Variants in TTLL13 observed in about 807,000 individuals in gnomAD.
The protein encoded by TTLL13 is tubulin tyrosine ligase like 13.
the TTLL13 span, chr15:90,262,844 G>A: frequency 3.9e-6 from 5 of 1,285,316 alleles, no homozygotes. Flanking sequence ...GACAGCAAAA[G>A]GAACCTTCCT....
At chr15:90,259,499 C>T in the TTLL13 span, among the ~76,000 whole-genome samples, 1 of 152,270 alleles carries the variant, frequency 6.6e-6, no homozygotes, top group East Asian at 1.9e-4. Context: ...TCTCTGGAGC[C>T]AATCAACATT....
At chr15:90,252,463 G>A in the TTLL13 span, among the ~76,000 whole-genome samples, 3 of 152,108 alleles carry the variant, frequency 2.0e-5, no homozygotes, top group South Asian at 2.1e-4. Context: ...TAACAGGCAG[G>A]AGCCACCATG....
At chr15:90,257,709 G>A in the TTLL13 span, 2 of 1,614,176 alleles carry the variant, frequency 1.2e-6, no homozygotes, top group Non-Finnish European at 1.7e-6. Flanking sequence ...GGATGGCGCT[G>A]TGGGCAGTAA....
At chr15:90,256,566 TTTC>T in the TTLL13 span, among the ~76,000 whole-genome samples, 1 of 80,980 alleles carries the variant, frequency 1.2e-5, no homozygotes, top group Non-Finnish European at 2.6e-5. Flanking sequence ...TCTTTCTTTC[TTTC>T]TTTCTTTCTT....
At chr15:90,252,113 C>G in the TTLL13 span, among the ~76,000 whole-genome samples, 2 of 148,480 alleles carry the variant, frequency 1.3e-5, no homozygotes, top group Non-Finnish European at 3.0e-5. Context: ...GATCTCGACT[C>G]ACTGCAACCT....
the TTLL13 span, among the ~76,000 whole-genome samples, chr15:90,250,038 A>T: frequency 1.3e-5 from 2 of 149,608 alleles, no homozygotes; most frequent in Admixed American, 6.7e-5. Context: ...GCTCACTGCA[A>T]CCTCCACCTC....
the TTLL13 span, chr15:90,258,794 A>C: frequency 1.2e-6 from 2 of 1,614,164 alleles, no homozygotes; most frequent in Non-Finnish European, 1.7e-6. Context: ...TCAAGAAGTA[A>C]AGGATGCACT....
the TTLL13 span, among the ~76,000 whole-genome samples, chr15:90,260,878 AAAGG>A: frequency 1.4e-4 from 21 of 151,240 alleles, no homozygotes; most frequent in South Asian, 4.2e-4. Flanking sequence ...AGAGAGAAAG[AAAGG>A]AAGGAAGGAA....
chr15:90,257,024 T>C, the TTLL13 span: 1 of 1,057,228 alleles, frequency 9.5e-7, no homozygotes, highest in African/African-American at 1.6e-5. Flanking sequence ...ACAGTAACTA[T>C]TTTACATGGT....
the TTLL13 span, chr15:90,259,145 T>G: frequency 9.1e-7 from 1 of 1,102,670 alleles, no homozygotes; most frequent in Admixed American, 3.0e-5. Flanking sequence ...GGAGGATTGC[T>G]TGAGCCCTAG....
the TTLL13 span, chr15:90,250,517 TA>T: frequency 7.4e-7 from 1 of 1,346,026 alleles, no homozygotes; most frequent in Non-Finnish European, 1.0e-6. Flanking sequence ...CTTTCCCTTA[TA>T]ACAGCATGAA....
the TTLL13 span, chr15:90,257,659 C>G: frequency 2.5e-6 from 4 of 1,614,182 alleles, no homozygotes; most frequent in Non-Finnish European, 3.4e-6. Context: ...ATGCACCTGA[C>G]CAACTATGCT....
At chr15:90,257,605 A>G in the TTLL13 span, 1 of 1,602,110 alleles carries the variant, frequency 6.2e-7, no homozygotes, top group East Asian at 2.2e-5. Context: ...GCATGCAGAC[A>G]GTCTGAGACC....
At chr15:90,254,188 GT>G in the TTLL13 span, among the ~76,000 whole-genome samples, 1,233 of 104,000 alleles carry the variant, frequency 0.012, 22 homozygotes, top group African/African-American at 0.052. Flanking sequence ...GTGAGACCCT[GT>G]TTTTTTTTTT....
the TTLL13 span, chr15:90,259,048 A>T: frequency 2.6e-6 from 4 of 1,547,698 alleles, no homozygotes; most frequent in Non-Finnish European, 2.6e-6. Context: ...TTGCATAGAT[A>T]ATATGTTCAT....
At chr15:90,262,323 T>G in the TTLL13 span, 8 of 1,161,008 alleles carry the variant, frequency 6.9e-6, no homozygotes, top group Non-Finnish European at 9.4e-6. Flanking sequence ...ATCAGACTCT[T>G]AGTGACTCTT....
At chr15:90,256,309 C>T in the TTLL13 span, 23 of 1,614,054 alleles carry the variant, frequency 1.4e-5, no homozygotes, top group Admixed American at 6.7e-5. Flanking sequence ...TGAAGGATGC[C>T]TCAGGACCAT....
the TTLL13 span, chr15:90,251,448 C>T: frequency 2.5e-6 from 3 of 1,207,440 alleles, no homozygotes; most frequent in Middle Eastern, 1.9e-4. Flanking sequence ...TTTTAAGTGG[C>T]TTCTAGAGAA....
At chr15:90,255,844 T>C in the TTLL13 span, 33 of 1,614,058 alleles carry the variant, frequency 2.0e-5, no homozygotes, top group Non-Finnish European at 2.5e-5. Context: ...TCTATCCCTC[T>C]GAGTACAACA....
Sources: gnomAD v4.1 joint callset for allele counts (sites outside exome capture counted in the v4.1 genomes callset) on GRCh38, gnomAD v4.1.1 for gene constraint, MANE v1.5 for transcripts, NCBI Gene and HGNC (gene_info 2026-07-23, HGNC 2026-07-21) for gene names.